Variants in MAP3K20 observed in about 807,000 individuals in gnomAD.
MAP3K20 encodes HCCS-4.
MAP3K20 carries 40 observed loss-of-function variants against 85.7 expected under a neutral mutation model. The ratio of observed to expected loss-of-function variants is 0.47; its 90% CI spans 0.36 to 0.61. The LOEUF is 0.61. Among genes scored for constraint, MAP3K20 ranks in the 20% least tolerant of loss-of-function variants. The pLI is 0.00. For missense variants in MAP3K20, 817 were observed against 961.7 expected (o/e 0.85, Z 1.99); for synonymous variants, 325 against 327.7 (o/e 0.99, Z 0.09).
In MAP3K20 at chr2:173,201,910, C is replaced by T. The variant is rs1691077569; in HGVS notation, c.670-1886C>T. On this transcript the variant is annotated intron_variant, in intron 8 of 19. Coordinates refer to ENST00000375213, the MANE Select transcript of MAP3K20 (RefSeq NM_016653.3). ...TTGTGTAATGACTTCGATGTGGTAT[C>T]TAAACAGTTTTTCAGTAAGAAAAGA... Among the ~76,000 whole-genome samples the T allele has an allele frequency of 3.9e-5, 6 of 152,130 alleles. No individual in the cohort carries two copies. In the South Asian group the frequency reaches 1.2e-3, roughly 31 times the overall value.
rs751198103 is a variant in MAP3K20 at position 173,163,962 on chromosome 2, C to CT, written c.160-5829dup. Among the ~76,000 whole-genome samples, 352 of 143,542 alleles carry CT rather than the reference C, an allele frequency of 2.5e-3. 1 individual carries two copies. The highest frequency in any genetic ancestry group is 2.7e-3 in the South Asian group (12 of 4,494). The allele number at this position is 143,542 out of a possible 152,430, so 94.2% of individuals were successfully genotyped here. ...TTTACCAGCATCTGTTATTTCTTGA[C>CT]TTTTTTTTTTTTTTCTGAGACGGAG... On this transcript the variant is annotated intron_variant, in intron 2 of 19. Transcript: ENST00000375213.
rs1302872751 is a variant in MAP3K20, at chr2:173,191,181, A to G, written c.582+4A>G. 1 of 1,610,406 alleles carries G rather than the reference A, an allele frequency of 6.2e-7. No individual in the cohort carries two copies. Among genetic ancestry groups the G allele is most frequent in the Non-Finnish European group, 8.5e-7 (1 of 1,179,038 alleles). On this transcript the variant is annotated splice_donor_region_variant and intron_variant, in intron 7 of 19. Coordinates refer to ENST00000375213, the MANE Select transcript of MAP3K20 (RefSeq NM_016653.3). ...TGACACATATTCCTATGGTGTGGTG[A>G]GTTCATTTCTCATTTCTTGTTTACT... is the stretch of plus-strand genomic sequence containing the variant.
intron 4 of MAP3K20, 125 bp downstream of exon 4, chr2:173,183,080 T>TA: frequency 1.4e-6 from 1 of 708,562 alleles, no homozygotes; most frequent in Non-Finnish European, 2.3e-6. Context: ...CCAAAAGTAG[T>TA]AAGAATTCCA....
chr2:173,206,601 T>C (rs1181507535), intron 9 of MAP3K20, among the ~76,000 whole-genome samples: 2 of 150,938 alleles, frequency 1.3e-5, no homozygotes, highest in African/African-American at 2.4e-5. Flanking sequence ...AAGTCTTCCT[T>C]GGTTATTCTA....
chr2:173,189,875 C>T (rs961554327), intron 5 of MAP3K20, among the ~76,000 whole-genome samples: 1 of 152,178 alleles, frequency 6.6e-6, no homozygotes, highest in African/African-American at 2.4e-5. Flanking sequence ...AACTTTTCTC[C>T]TGTCCTTTGC....
At position 173,238,360 on chromosome 2, in the gene MAP3K20, AT is replaced by A. The variant is rs750737541; in HGVS notation, c.1204-5del. 9 of 1,604,816 alleles carry A rather than the reference AT, an allele frequency of 5.6e-6. No individual in the cohort carries two copies. Among genetic ancestry groups the A allele is most frequent in the East Asian group, 2.2e-5 (1 of 44,750 alleles). On this transcript the variant is annotated splice_polypyrimidine_tract_variant and intron_variant, in intron 14 of 19. Coordinates refer to ENST00000375213, the MANE Select transcript of MAP3K20 (RefSeq NM_016653.3). The stretch of plus-strand genomic sequence containing the variant: ...ACTGGATCATTAATAAAGTCATATG[AT>A]TTTTTTTACAGTCAGCCATTGAGAA...
rs756946173 is a variant in MAP3K20 at position 173,261,049 on chromosome 2, C to T, written c.1477-14C>T. ...GTGTTATGGTACTACACCATCCTAA[C>T]TTTTGTTTTTCAGCCACCATTTGTA... is the stretch of plus-strand genomic sequence containing the variant. On this transcript the variant is annotated splice_polypyrimidine_tract_variant and intron_variant, in intron 17 of 19. Coordinates refer to ENST00000375213, the MANE Select transcript of MAP3K20 (RefSeq NM_016653.3). 6.2e-7 allele frequency: 1 copy of T among 1,612,648 alleles called. No homozygotes were observed. Among genetic ancestry groups the T allele is most frequent in the South Asian group, 1.1e-5 (1 of 90,936 alleles).
chr2:173,247,763 T>C (rs1366687855), intron 16 of MAP3K20, among the ~76,000 whole-genome samples: 1 of 152,156 alleles, frequency 6.6e-6, no homozygotes, highest in Non-Finnish European at 1.5e-5. Flanking sequence ...GATAGATAAA[T>C]GTTTATGGCA....
intron 16 of MAP3K20, among the ~76,000 whole-genome samples, chr2:173,258,106 A>G (rs1473113706): frequency 2.0e-5 from 3 of 152,154 alleles, no homozygotes; most frequent in Non-Finnish European, 4.4e-5. Context: ...CTTTAGGGGA[A>G]CTGTTCTTTG....
intron 2 of MAP3K20, among the ~76,000 whole-genome samples, chr2:173,156,695 C>T (rs570659947): frequency 1.1e-4 from 17 of 152,274 alleles, no homozygotes; most frequent in African/African-American, 2.9e-4. Flanking sequence ...CGGGAATGCT[C>T]GCTCGCCAGC....
chr2:173,264,131 G>A (rs545458125), intron 19 of MAP3K20, among the ~76,000 whole-genome samples: 30 of 152,192 alleles, frequency 2.0e-4, no homozygotes, highest in Admixed American at 1.8e-3. Context: ...AGATGCTCAG[G>A]CCCAAACCCA....
At chr2:173,175,446 G>C (rs549613273) in intron 3 of MAP3K20, among the ~76,000 whole-genome samples, 1 of 152,252 alleles carries the variant, frequency 6.6e-6, no homozygotes, top group East Asian at 1.9e-4. Context: ...TGAATAATGA[G>C]GGCTGACTAA....
At chr2:173,209,886 C>T in intron 10 of MAP3K20, 51 bp downstream of exon 10, 3 of 1,457,766 alleles carry the variant, frequency 2.1e-6, no homozygotes, top group South Asian at 1.1e-5. Flanking sequence ...AAGACCATCA[C>T]TCGTCTCAAT....
chr2:173,090,831 G>A, intron 1 of MAP3K20, 167 bp from the exon 2 acceptor site: 1 of 1,280,328 alleles, frequency 7.8e-7, no homozygotes, highest in Non-Finnish European at 9.9e-7. Context: ...GGCTGCCAGG[G>A]TGAGTGTTTT....
intron 2 of MAP3K20, among the ~76,000 whole-genome samples, chr2:173,142,355 C>G (rs1233418712): frequency 1.3e-5 from 2 of 151,940 alleles, no homozygotes; most frequent in Non-Finnish European, 2.9e-5. Flanking sequence ...GCCTGTAGTC[C>G]CACCTACCCA....
upstream of MAP3K20, chr2:173,075,662 G>C (rs1013190859): frequency 2.5e-5 from 23 of 929,566 alleles, no homozygotes; most frequent in Non-Finnish European, 2.4e-5. Context: ...TCCCCCCACA[G>C]CAAGGCAGGT....
At chr2:173,105,132 C>T (rs1269251588) in intron 2 of MAP3K20, among the ~76,000 whole-genome samples, 2 of 152,212 alleles carry the variant, frequency 1.3e-5, no homozygotes, top group Non-Finnish European at 2.9e-5. Flanking sequence ...GTTTGACTTA[C>T]ATTTTCACAT....
At chr2:173,156,132 G>A (rs991342039) in intron 2 of MAP3K20, among the ~76,000 whole-genome samples, 3 of 152,202 alleles carry the variant, frequency 2.0e-5, no homozygotes, top group Non-Finnish European at 4.4e-5. Context: ...ACACAACCTC[G>A]AGGATGTAAG....
At chr2:173,152,344 C>T (rs781374014) in intron 2 of MAP3K20, among the ~76,000 whole-genome samples, 130 of 152,254 alleles carry the variant, frequency 8.5e-4, no homozygotes, top group Non-Finnish European at 1.5e-3. Flanking sequence ...ATTATTTTGT[C>T]TGGGACTTTT....
Sources: gnomAD v4.1 joint callset for allele counts (sites outside exome capture counted in the v4.1 genomes callset) on GRCh38, gnomAD v4.1.1 for gene constraint, MANE v1.5 for transcripts, NCBI Gene and HGNC (gene_info 2026-07-23, HGNC 2026-07-21) for gene names.